Variants in MYO1D observed in about 807,000 individuals in gnomAD.
MYO1D encodes unconventional myosin-Id.
Under a neutral mutation model 122.0 loss-of-function variants are expected in MYO1D, and 83 were observed. The ratio of observed to expected loss-of-function variants is 0.68; its 90% CI spans 0.57 to 0.82. MYO1D has a LOEUF of 0.82. MYO1D is among the 40% of genes least tolerant of loss of function. MYO1D has a pLI of 0.00. For synonymous variants in MYO1D, 464 were observed against 446.9 expected, an observed-to-expected ratio of 1.04 and a Z score of -0.48; for missense variants, 1,157 against 1,269.5, an observed-to-expected ratio of 0.91 and a Z score of 1.35.
At chr17:32,639,454 G>C (rs1325152229) in intron 19 of MYO1D, among the ~76,000 whole-genome samples, 5 of 149,226 alleles carry the variant, frequency 3.4e-5, no homozygotes, top group Non-Finnish European at 5.9e-5. Flanking sequence ...AGATTCACAT[G>C]TTCAGGTAAA....
intron 12 of MYO1D, chr17:32,745,735 G>T (rs7208922): frequency 0.014 from 2,228 of 158,226 alleles, 42 homozygotes; most frequent in African/African-American, 0.048. Context: ...GAAAAAGGCA[G>T]GCAGATCACA....
chr17:32,560,555 A>ATATATATAACTTT (rs2087112758), intron 21 of MYO1D, among the ~76,000 whole-genome samples: 1 of 126,146 alleles, frequency 7.9e-6, no homozygotes, highest in African/African-American at 2.9e-5. Flanking sequence ...ATATATATAT[A>ATATATATAACTTT]TATATATATA....
Position 32,765,054 on chromosome 17 carries a change from C to G in MYO1D, c.859G>C (p.Asp287His). The change falls in exon 8 of 22, where the codon GAC becomes CAC. Residue 287 changes from aspartate to histidine, a missense_variant. By Grantham distance (81) the Asp-to-His change is moderately conservative (BLOSUM62 -1). Coordinates refer to ENST00000318217, the MANE Select transcript of MYO1D (RefSeq NM_015194.3). ...LGNLKFVVDG[D>H]TPLIENGKVV... ...TTGCCATTCTCAATAAGAGGCGTGT[C>G]ACCATCTACTACAAATTTTAAATTT... is the stretch of plus-strand genomic sequence containing the variant. 12 of 1,613,396 alleles carry G rather than the reference C, an allele frequency of 7.4e-6. No individual in the cohort carries two copies. The highest frequency in any genetic ancestry group is 1.0e-5 in the Non-Finnish European group (12 of 1,179,608).
intron 13 of MYO1D, among the ~76,000 whole-genome samples, chr17:32,742,377 C>T (rs2089782932): frequency 6.6e-6 from 1 of 152,204 alleles, no homozygotes; most frequent in Admixed American, 6.5e-5. Context: ...AATAAATCCA[C>T]ATGCTGTTTG....
intron 16 of MYO1D, among the ~76,000 whole-genome samples, chr17:32,703,114 A>C (rs1435281496): frequency 2.0e-5 from 3 of 152,186 alleles, no homozygotes; most frequent in Non-Finnish European, 2.9e-5. Flanking sequence ...TGCCCTCTTA[A>C]CTACACTGGA....
chr17:32,568,408 A>G (rs1310328894), intron 21 of MYO1D, among the ~76,000 whole-genome samples: 1 of 152,156 alleles, frequency 6.6e-6, no homozygotes, highest in African/African-American at 2.4e-5. Context: ...CTGTATGGAG[A>G]GATTCCGTCT....
At chr17:32,618,139 A>G (rs936206142) in intron 20 of MYO1D, among the ~76,000 whole-genome samples, 3 of 152,198 alleles carry the variant, frequency 2.0e-5, no homozygotes, top group African/African-American at 7.2e-5. Flanking sequence ...TTTAATGGTA[A>G]AACAAAACCT....
At chr17:32,566,686 G>A (rs1162803045) in intron 21 of MYO1D, among the ~76,000 whole-genome samples, 1 of 151,330 alleles carries the variant, frequency 6.6e-6, no homozygotes, top group East Asian at 2.0e-4. Flanking sequence ...TCAATTAATA[G>A]TAGTAACATG....
Position 32,709,892 on chromosome 17 carries a change from T to C in MYO1D, c.2121+2096A>G, listed in dbSNP as rs114465699. On this transcript the variant is annotated intron_variant, in intron 16 of 21. Transcript: ENST00000318217. ...AAATTCACCCCAGCAACAAAAATAA[T>C]AAAGTATCTAGGAATTAACCATGAA... Among the ~76,000 whole-genome samples, 376 of 152,130 alleles carry C rather than the reference T, an allele frequency of 2.5e-3. 4 individuals are homozygous for C. The highest frequency in any genetic ancestry group is 6.9e-3 in the African/African-American group (286 of 41,548).
At chr17:32,771,402 C>A (rs1379405766) in intron 5 of MYO1D, among the ~76,000 whole-genome samples, 182 bp from the exon 6 acceptor site, 1 of 152,074 alleles carries the variant, frequency 6.6e-6, no homozygotes, top group Non-Finnish European at 1.5e-5. Context: ...TCAATGTCAT[C>A]AGTTACAGAG....
At chr17:32,592,562 AAT>A (rs1468931593) in intron 21 of MYO1D, among the ~76,000 whole-genome samples, 1 of 152,230 alleles carries the variant, frequency 6.6e-6, no homozygotes, top group African/African-American at 2.4e-5. Flanking sequence ...ACAAGCAAAA[AAT>A]ATAAATAAAA....
chr17:32,635,936 C>T (rs767287454), intron 20 of MYO1D, among the ~76,000 whole-genome samples: 1 of 151,648 alleles, frequency 6.6e-6, no homozygotes, highest in Non-Finnish European at 1.5e-5. Flanking sequence ...TTTTTTCTTT[C>T]GTAGAATAAT....
In MYO1D at chr17:32,771,167, G is replaced by A. The variant is rs768413054; in HGVS notation, c.672C>T (p.Ser224=). The change falls in exon 6 of 22, where the codon TCC becomes TCT. Residue 224 remains serine, a synonymous_variant. Transcript: ENST00000318217. The part of the protein sequence containing the change: ...QMLRSLHLQK[S]LSSYNYIHVG... ...CATGAATATAGTTGTAGGATGAAAG[G>A]GATTTCTGGAGATGTAGAGAGCGTA... is the stretch of plus-strand genomic sequence containing the variant. 1.3e-5 allele frequency: 21 copies of A among 1,611,558 alleles called. No homozygotes were observed. The highest frequency in any genetic ancestry group is 3.3e-4 in the Middle Eastern group (2 of 6,076).
chr17:32,587,631 T>C (rs544105028), intron 21 of MYO1D, among the ~76,000 whole-genome samples: 16 of 152,240 alleles, frequency 1.1e-4, no homozygotes, highest in Non-Finnish European at 2.4e-4. Flanking sequence ...GTTTTGTTTA[T>C]CCAATTTTTG....
chr17:32,656,747 G>A (rs993050163), intron 17 of MYO1D, among the ~76,000 whole-genome samples: 1 of 152,190 alleles, frequency 6.6e-6, no homozygotes, highest in African/African-American at 2.4e-5. Flanking sequence ...TAGAGCAGTT[G>A]GTGGTCAAAG....
intron 21 of MYO1D, among the ~76,000 whole-genome samples, chr17:32,543,452 T>C (rs938205500): frequency 6.7e-6 from 1 of 150,284 alleles, no homozygotes. Context: ...GGCGGGCCCC[T>C]GTAGTCCCAG....
At chr17:32,812,883 A>G (rs1252378936) in intron 1 of MYO1D, among the ~76,000 whole-genome samples, 1 of 152,240 alleles carries the variant, frequency 6.6e-6, no homozygotes, top group Non-Finnish European at 1.5e-5. Flanking sequence ...GAGACTTTAT[A>G]TGTATAGGCC....
At chr17:32,536,461 C>T (rs749042248) in intron 21 of MYO1D, among the ~76,000 whole-genome samples, 1 of 152,074 alleles carries the variant, frequency 6.6e-6, no homozygotes, top group African/African-American at 2.4e-5. Context: ...ATTTTAAACC[C>T]GAAACTAACT....
intron 1 of MYO1D, among the ~76,000 whole-genome samples, chr17:32,805,508 T>C (rs950066779): frequency 1.3e-5 from 2 of 152,154 alleles, no homozygotes; most frequent in African/African-American, 4.8e-5. Flanking sequence ...TACTAGCTGT[T>C]ACTTGGAGGT....
Sources: gnomAD v4.1 joint callset for allele counts (sites outside exome capture counted in the v4.1 genomes callset) on GRCh38, gnomAD v4.1.1 for gene constraint, MANE v1.5 for transcripts, NCBI Gene and HGNC (gene_info 2026-07-23, HGNC 2026-07-21) for gene names.